The following BTBD10 variants were observed in gnomAD, a reference collection of about 807,000 sequenced individuals.
BTBD10 encodes BTB/POZ domain-containing protein 10.
A neutral mutation model predicts 53.2 loss-of-function variants in BTBD10; 21 were observed. The ratio of observed to expected loss-of-function variants is 0.39; its 90% confidence interval spans 0.28 to 0.57. The LOEUF is 0.57. BTBD10 is among the 20% of genes least tolerant of loss of function. The pLI is 0.53. For synonymous variants in BTBD10, 149 were observed against 192.7 expected (o/e 0.77, Z 1.88); for missense variants, 360 against 594.7 (o/e 0.61, Z 4.10).
chr11:13,402,134 C>T (rs1391794632), intron 8 of BTBD10, among the ~76,000 whole-genome samples: 4 of 152,146 alleles, frequency 2.6e-5, no homozygotes, highest in Non-Finnish European at 5.9e-5. Flanking sequence ...TAGACCAATG[C>T]TTCATATATC....
At chr11:13,390,172 CCTTT>C (rs1376823149) in intron 8 of BTBD10, among the ~76,000 whole-genome samples, 6 of 152,158 alleles carry the variant, frequency 3.9e-5, no homozygotes, top group African/African-American at 1.4e-4. Context: ...CCCCTTCCCT[CCTTT>C]CTTCTAGTAA....
intron 8 of BTBD10, among the ~76,000 whole-genome samples, chr11:13,390,435 C>G (rs1373071530): frequency 1.3e-5 from 2 of 151,836 alleles, no homozygotes; most frequent in African/African-American, 2.4e-5. Flanking sequence ...CTTCTGTCTT[C>G]CGGGTTCAAG....
intron 8 of BTBD10, among the ~76,000 whole-genome samples, chr11:13,400,784 G>T (rs1198399566): frequency 6.6e-6 from 1 of 152,194 alleles, no homozygotes; most frequent in Non-Finnish European, 1.5e-5. Context: ...AATTACAGAA[G>T]AGAGGGACTA....
intron 3 of BTBD10, among the ~76,000 whole-genome samples, chr11:13,420,179 T>G (rs538132476): frequency 1.3e-5 from 2 of 152,256 alleles, no homozygotes; most frequent in South Asian, 4.1e-4. Flanking sequence ...ATAACACTAT[T>G]CTGAGAACAC....
intron 2 of BTBD10, among the ~76,000 whole-genome samples, chr11:13,443,067 T>C (rs980706243): frequency 2.0e-5 from 3 of 152,074 alleles, no homozygotes; most frequent in African/African-American, 7.2e-5. Flanking sequence ...TAACCCTAAA[T>C]ACTGCTGCAG....
intron 8 of BTBD10, among the ~76,000 whole-genome samples, chr11:13,401,652 A>G (rs11022801): frequency 0.77 from 117,617 of 152,010 alleles, 46,270 homozygotes; most frequent in Middle Eastern, 0.88. Flanking sequence ...ATAATTTCTA[A>G]TAAATAATAT....
chr11:13,451,752 A>G (rs1351886230), intron 1 of BTBD10, among the ~76,000 whole-genome samples: 1 of 152,192 alleles, frequency 6.6e-6, no homozygotes, highest in African/African-American at 2.4e-5. Context: ...GAAAACAGAA[A>G]CTGACTCCAA....
intron 8 of BTBD10, among the ~76,000 whole-genome samples, chr11:13,394,968 G>C (rs916734416): frequency 6.6e-6 from 1 of 151,414 alleles, no homozygotes; most frequent in African/African-American, 2.4e-5. Context: ...TTGGTTCCAA[G>C]TCTGTGCTAT....
At chr11:13,454,889 G>C (rs1211046772) in intron 1 of BTBD10, among the ~76,000 whole-genome samples, 1 of 151,892 alleles carries the variant, frequency 6.6e-6, no homozygotes, top group Non-Finnish European at 1.5e-5. Context: ...AGGATCTGTT[G>C]TTTATTTATT....
At chr11:13,458,578 T>TA (rs1951022221) in intron 1 of BTBD10, among the ~76,000 whole-genome samples, 1 of 152,188 alleles carries the variant, frequency 6.6e-6, no homozygotes, top group South Asian at 2.1e-4. Context: ...TCAAAATCAG[T>TA]TAAGGGGCTT....
At chr11:13,446,910 G>T (rs1017986936) in intron 1 of BTBD10, among the ~76,000 whole-genome samples, 1 of 152,018 alleles carries the variant, frequency 6.6e-6, no homozygotes, top group African/African-American at 2.4e-5. Context: ...GAAGAAAATG[G>T]GGAGAATGAA....
chr11:13,421,347 A>G (rs141588375), intron 3 of BTBD10, among the ~76,000 whole-genome samples: 7 of 152,340 alleles, frequency 4.6e-5, no homozygotes, highest in Admixed American at 3.9e-4. Context: ...TATATATTTC[A>G]TAAGACAAAA....
At chr11:13,451,301 A>G (rs1950854215) in intron 1 of BTBD10, among the ~76,000 whole-genome samples, 1 of 152,182 alleles carries the variant, frequency 6.6e-6, no homozygotes, top group Non-Finnish European at 1.5e-5. Context: ...CCCCAACTGT[A>G]TACACCTCCA....
intron 6 of BTBD10, 144 bp downstream of exon 6, chr11:13,413,386 A>G (rs1199144049): frequency 2.4e-5 from 14 of 588,850 alleles, no homozygotes; most frequent in Non-Finnish European, 3.6e-5. Flanking sequence ...GCAAGCTTTC[A>G]TTAATAATCT....
intron 2 of BTBD10, among the ~76,000 whole-genome samples, chr11:13,432,693 TTAAAGAA>T (rs1339654164): frequency 6.6e-6 from 1 of 151,412 alleles, no homozygotes; most frequent in Admixed American, 6.6e-5. Flanking sequence ...TTTAAAAAAA[TTAAAGAA>T]TAAGAAAAAG....
chr11:13,389,265 A>G (rs977970258), intron 8 of BTBD10, 124 bp from the exon 9 acceptor site: 1 of 755,384 alleles, frequency 1.3e-6, no homozygotes, highest in Admixed American at 2.9e-5. Context: ...AAGTGAAAAC[A>G]ATATTCCATC....
chr11:13,442,863 T>C (rs529945458), intron 2 of BTBD10, among the ~76,000 whole-genome samples: 1 of 152,296 alleles, frequency 6.6e-6, no homozygotes, highest in East Asian at 1.9e-4. Flanking sequence ...AGTCAAATCA[T>C]ACTTTTTAAG....
chr11:13,397,868 A>T (rs1055461924), intron 8 of BTBD10, among the ~76,000 whole-genome samples: 1 of 152,160 alleles, frequency 6.6e-6, no homozygotes, highest in Non-Finnish European at 1.5e-5. Flanking sequence ...GAGTTTCTTA[A>T]TCCTGAGTTC....
intron 8 of BTBD10, among the ~76,000 whole-genome samples, chr11:13,399,633 G>C (rs1037027183): frequency 3.3e-5 from 5 of 152,090 alleles, no homozygotes; most frequent in African/African-American, 1.2e-4. Context: ...CTGATTTTTA[G>C]AGTTTCCGGT....
Sources: allele counts gnomAD v4.1 joint callset (sites outside exome capture counted in the v4.1 genomes callset), GRCh38; gene constraint gnomAD v4.1.1; transcripts MANE v1.5; gene names NCBI Gene and HGNC (gene_info 2026-07-23, HGNC 2026-07-21).